The following VDR variants were observed in gnomAD, a reference collection of about 807,000 sequenced individuals.
The protein encoded by VDR is vitamin D3 receptor.
A neutral mutation model predicts 39.7 loss-of-function variants in VDR; 19 were observed. The ratio of observed to expected loss-of-function variants is 0.48; its 90% CI spans 0.33 to 0.70. VDR has a LOEUF of 0.70. Ranked by LOEUF, VDR falls within the 30% of genes least tolerant of loss-of-function variation. VDR has a pLI of 0.02. For missense variants in VDR, 442 were observed against 570.5 expected (o/e 0.77, Z 2.29); for synonymous variants, 242 against 215.8 (o/e 1.12, Z -1.07).
intron 1 of VDR, among the ~76,000 whole-genome samples, chr12:47,886,027 C>T (rs1484573275): frequency 2.6e-5 from 4 of 152,302 alleles, no homozygotes; most frequent in Middle Eastern, 3.4e-3. Context: ...CCTCTCTCTG[C>T]CAGGTTGGGA....
At chr12:47,893,747 T>A (rs1178008147) in intron 1 of VDR, among the ~76,000 whole-genome samples, 2 of 152,186 alleles carry the variant, frequency 1.3e-5, no homozygotes, top group East Asian at 3.8e-4. Flanking sequence ...CCAGGAATTG[T>A]CTAAGGAAGG....
chr12:47,873,751 G>T (rs574070684), intron 3 of VDR, among the ~76,000 whole-genome samples: 138 of 152,280 alleles, frequency 9.1e-4, no homozygotes, highest in African/African-American at 3.3e-3. Context: ...ATATACTATG[G>T]TTCTCATCAG....
At chr12:47,864,459 A>G (rs1196206023) in intron 4 of VDR, among the ~76,000 whole-genome samples, 1 of 152,218 alleles carries the variant, frequency 6.6e-6, no homozygotes, top group Non-Finnish European at 1.5e-5. Context: ...TTCCCCTGGC[A>G]GACTCTTTCC....
chr12:47,864,039 C>T (rs545347055), intron 4 of VDR, among the ~76,000 whole-genome samples: 18 of 152,318 alleles, frequency 1.2e-4, no homozygotes, highest in African/African-American at 4.3e-4. Flanking sequence ...GAGCAACATC[C>T]CCACCCCGAC....
chr12:47,878,810 A>T, intron 3 of VDR, 158 bp downstream of exon 3: 1 of 1,138,172 alleles, frequency 8.8e-7, no homozygotes, highest in South Asian at 1.3e-5. Context: ...AGAAGATACC[A>T]CTCACCAAGA....
At chr12:47,882,421 G>A (rs915216224) in intron 2 of VDR, among the ~76,000 whole-genome samples, 5 of 152,136 alleles carry the variant, frequency 3.3e-5, no homozygotes, top group Admixed American at 6.5e-5. Context: ...GATGGGGGCT[G>A]GATAGGAAAC....
intron 1 of VDR, among the ~76,000 whole-genome samples, chr12:47,891,721 C>A (rs1946372216): frequency 6.6e-6 from 1 of 152,236 alleles, no homozygotes; most frequent in African/African-American, 2.4e-5. Context: ...ACCACCCTTA[C>A]AGCCATCATC....
chr12:47,898,260 G>A (rs143333764), intron 1 of VDR: 5 of 152,128 alleles, frequency 3.3e-5, no homozygotes, highest in Admixed American at 3.3e-4. Context: ...GCCAGAAATT[G>A]GGTCCCTAGG....
chr12:47,898,659 T>A (rs550509432), intron 1 of VDR: 1 of 154,984 alleles, frequency 6.5e-6, no homozygotes, highest in African/African-American at 2.4e-5. Flanking sequence ...CGTGGTGTAT[T>A]TTTCCAATGG....
At chr12:47,847,851 T>C (rs937672107) in intron 7 of VDR, among the ~76,000 whole-genome samples, 5 of 152,218 alleles carry the variant, frequency 3.3e-5, no homozygotes, top group African/African-American at 9.7e-5. Context: ...CAAGCAGTCC[T>C]CCTGCCTCAG....
chr12:47,854,588 A>T (rs1452543604), intron 7 of VDR, among the ~76,000 whole-genome samples: 2 of 152,220 alleles, frequency 1.3e-5, no homozygotes, highest in African/African-American at 4.8e-5. Flanking sequence ...TGGAGGAATC[A>T]TATCGTTGAA....
Position 47,844,982 on chromosome 12 carries a change from C to T in VDR, c.1048G>A (p.Ala350Thr), listed in dbSNP as rs148856375. 2.5e-4 allele frequency: 405 copies of T among 1,613,222 alleles called. 2 individuals are homozygous for T. The African/African-American group carries it at 4.6e-3, about 18-fold the overall frequency. Residue 350 changes from alanine (A) to threonine (T), a missense_variant, in exon 10 of 10, where the codon GCG becomes ACG. Physicochemically the swap from Ala to Thr is moderately conservative, Grantham distance 58. This residue lies in a region of VDR where 173 missense variants were observed against 252.0 expected (regional missense o/e 0.69). Transcript: ENST00000549336. Reference sequence around the variant, plus strand: ...CGGTCCTGGATGGCCTCAATCAGCGCGGCGTCCTGCACCCCAGGACGATCT... The same window carrying T: ...CGGTCCTGGATGGCCTCAATCAGCGTGGCGTCCTGCACCCCAGGACGATCT... ...SPDRPGVQDA[A>T]LIEAIQDRLS...
intron 6 of VDR, among the ~76,000 whole-genome samples, chr12:47,856,125 C>T (rs1000932861): frequency 6.6e-6 from 1 of 152,202 alleles, no homozygotes; most frequent in South Asian, 2.1e-4. Context: ...TTCAACCTTG[C>T]TAATGGTCAA....
chr12:47,904,582 T>G, intron 1 of VDR: 1 of 1,535,822 alleles, frequency 6.5e-7, no homozygotes. Context: ...CCAGCAGTTC[T>G]GAGCACCATC....
intron 4 of VDR, among the ~76,000 whole-genome samples, chr12:47,860,379 C>T (rs1199646268): frequency 1.3e-5 from 2 of 152,202 alleles, no homozygotes; most frequent in African/African-American, 4.8e-5. Flanking sequence ...ACACAGATTA[C>T]ACCAACTGTG....
At chr12:47,883,218 C>T (rs1039688632) in intron 1 of VDR, among the ~76,000 whole-genome samples, 2 of 152,114 alleles carry the variant, frequency 1.3e-5, no homozygotes, top group South Asian at 2.1e-4. Context: ...CTGCTAAGAG[C>T]GGGAAGACGG....
At chr12:47,861,306 T>C (rs1194614603) in intron 4 of VDR, among the ~76,000 whole-genome samples, 1 of 152,266 alleles carries the variant, frequency 6.6e-6, no homozygotes, top group East Asian at 1.9e-4. Flanking sequence ...AGTTTAACCC[T>C]ATAACATGAT....
chr12:47,844,583 G>T lies in VDR; in HGVS notation c.*163C>A. ...GAAAAGCCCGCAGGAAAGGGGTTAG[G>T]TTGGACAGGAGAGAGAATGGGCTGG... On this transcript the variant is annotated 3_prime_UTR_variant, in exon 10 of 10. Coordinates refer to ENST00000549336, the MANE Select transcript of VDR (RefSeq NM_000376.3). 1 of 943,782 alleles carries T rather than the reference G, an allele frequency of 1.1e-6. No individual in the cohort carries two copies. The highest frequency in any genetic ancestry group is 1.6e-6 in the Non-Finnish European group (1 of 629,834). The allele number at this position is 943,782 out of a possible 1,614,324, so 58.5% of individuals were successfully genotyped here.
intron 4 of VDR, 98 bp downstream of exon 4, chr12:47,864,949 G>A: frequency 1.3e-6 from 2 of 1,576,730 alleles, no homozygotes; most frequent in Non-Finnish European, 1.7e-6. Flanking sequence ...ACAGAGGAAG[G>A]GCAGGCAGAC....
Sources: allele counts gnomAD v4.1 joint callset (sites outside exome capture counted in the v4.1 genomes callset), GRCh38; gene constraint gnomAD v4.1.1; regional missense constraint gnomAD v4.1.1; transcripts MANE v1.5; gene names NCBI Gene and HGNC (gene_info 2026-07-23, HGNC 2026-07-21).